EFCAB7: variants seen among roughly 807,000 people sequenced by gnomAD.
EFCAB7 encodes EF-hand calcium-binding domain-containing protein 7.
A neutral mutation model predicts 77.1 loss-of-function variants in EFCAB7; 66 were observed. The ratio of observed to expected loss-of-function variants is 0.86; its 90% CI spans 0.70 to 1.05. EFCAB7 has a LOEUF of 1.05. EFCAB7 is among the 50% of genes least tolerant of loss of function. EFCAB7 has a pLI of 0.00. For missense variants in EFCAB7, 638 were observed against 730.5 expected, an observed-to-expected ratio of 0.87 and a Z score of 1.46; for synonymous variants, 225 against 243.3, an observed-to-expected ratio of 0.92 and a Z score of 0.70.
rs541260511 is a variant in EFCAB7 at position 63,572,429 on chromosome 1, T to C, written c.1816-13T>C. The C allele has an allele frequency of 1.9e-6, 3 of 1,573,132 alleles. No homozygotes were observed. In the South Asian group the frequency reaches 3.6e-5, roughly 19 times the overall value. On this transcript the variant is annotated splice_polypyrimidine_tract_variant and intron_variant, in intron 13 of 13. Coordinates refer to ENST00000371088, the MANE Select transcript of EFCAB7 (RefSeq NM_032437.4). ...ATAAAAAGAGAGTAAAAGCTTTCTA[T>C]TTTTATGTGCAGGTTTGTCAACATG...
chr1:63,528,206 A>T (rs533242658), intron 2 of EFCAB7, among the ~76,000 whole-genome samples: 33 of 152,318 alleles, frequency 2.2e-4, no homozygotes, highest in African/African-American at 7.5e-4. Flanking sequence ...GGATAAAAAT[A>T]AAAAAAGTGG....
intron 6 of EFCAB7, among the ~76,000 whole-genome samples, chr1:63,540,363 CAAA>C (rs758025864): frequency 2.3e-5 from 1 of 44,360 alleles, no homozygotes; most frequent in Non-Finnish European, 5.0e-5. Context: ...GACTCCATCT[CAAA>C]AAAAAAAAAA....
At chr1:63,565,344 G>A (rs1038480683) in intron 11 of EFCAB7, among the ~76,000 whole-genome samples, 9 of 150,848 alleles carry the variant, frequency 6.0e-5, no homozygotes, top group Non-Finnish European at 8.8e-5. Context: ...GGGCGAGAGT[G>A]CGAGACTCCG....
intron 6 of EFCAB7, among the ~76,000 whole-genome samples, chr1:63,538,073 A>G (rs1192131247): frequency 6.6e-6 from 1 of 152,210 alleles, no homozygotes; most frequent in Non-Finnish European, 1.5e-5. Context: ...TAAAATTTGT[A>G]TATGACAAAT....
At chr1:63,581,071 T>TA in the EFCAB7 span, among the ~76,000 whole-genome samples, 1 of 152,296 alleles carries the variant, frequency 6.6e-6, no homozygotes, top group East Asian at 1.9e-4. Flanking sequence ...TCTTTTTTCT[T>TA]GCCTTATTGC....
At chr1:63,582,230 C>G in the EFCAB7 span, among the ~76,000 whole-genome samples, 6 of 152,206 alleles carry the variant, frequency 3.9e-5, no homozygotes, top group Middle Eastern at 3.4e-3. Context: ...ACTATGGGAC[C>G]CATTCAAAAT....
At chr1:63,570,427 C>T (rs1647226645) in intron 12 of EFCAB7, 1 of 152,174 alleles carries the variant, frequency 6.6e-6, no homozygotes, top group Non-Finnish European at 1.5e-5. Flanking sequence ...TTCTGTGTTT[C>T]TATAGATCCT....
At chr1:63,577,832 G>T in the EFCAB7 span, among the ~76,000 whole-genome samples, 3 of 151,850 alleles carry the variant, frequency 2.0e-5, no homozygotes, top group Non-Finnish European at 4.4e-5. Flanking sequence ...GGAGGGGAAG[G>T]CTTGACCAAT....
chr1:63,531,994 G>C lies in EFCAB7; in HGVS notation c.362G>C (p.Cys121Ser), dbSNP rs2100872128. Residue 121 changes from cysteine (C) to serine (S), a missense_variant, in exon 3 of 14, where the codon TGT (cysteine) becomes TCT (serine). Physicochemically the swap from Cys to Ser is moderately radical, Grantham distance 112. Coordinates refer to ENST00000371088, the MANE Select transcript of EFCAB7 (RefSeq NM_032437.4). ...FKQLDVNDDG[C>S]ILHTDLYKFL... ...CAATTAGATGTAAATGATGATGGCT[G>C]TATTTTACACACTGACCTTTATAAA... 2 of 1,611,742 alleles carry C rather than the reference G, an allele frequency of 1.2e-6. No individual in the cohort carries two copies. The highest frequency in any genetic ancestry group is 1.7e-4 in the Middle Eastern group (1 of 6,046).
At chr1:63,575,226 T>C (rs1647378828), downstream of EFCAB7, among the ~76,000 whole-genome samples, 1 of 152,132 alleles carries the variant, frequency 6.6e-6, no homozygotes, top group Admixed American at 6.5e-5. Flanking sequence ...TACTGTTATA[T>C]ATATATGAGT....
intron 10 of EFCAB7, among the ~76,000 whole-genome samples, chr1:63,558,485 A>T (rs968248629): frequency 6.6e-6 from 1 of 152,220 alleles, no homozygotes; most frequent in Non-Finnish European, 1.5e-5. Context: ...GACCAAGGCT[A>T]CACAGCAAGA....
At position 63,543,571 on chromosome 1, in the gene EFCAB7, G is replaced by A. The variant is rs566488433; in HGVS notation, c.805-2345G>A. Among the ~76,000 whole-genome samples the A allele has an allele frequency of 2.6e-5, 4 of 151,226 alleles. No individual in the cohort carries two copies. The South Asian group carries it at 8.3e-4, about 31-fold the overall frequency. On this transcript the variant is annotated intron_variant, in intron 6 of 13. Transcript: ENST00000371088. ...TTTTTAATAAAATATGAAAATAATT[G>A]TGACATAAAATAGAAAAATGAGATG...
chr1:63,537,460 C>A (rs1646777072), intron 6 of EFCAB7, among the ~76,000 whole-genome samples: 1 of 152,008 alleles, frequency 6.6e-6, no homozygotes, highest in Non-Finnish European at 1.5e-5. Flanking sequence ...ACATTGTATA[C>A]CATTTATATG....
chr1:63,566,866 TATA>T (rs1331669567), intron 11 of EFCAB7, among the ~76,000 whole-genome samples: 1 of 149,280 alleles, frequency 6.7e-6, no homozygotes. Context: ...ACAAATATTT[TATA>T]ATTATTTTAT....
At chr1:63,540,995 A>G (rs1646822719) in intron 6 of EFCAB7, among the ~76,000 whole-genome samples, 1 of 152,204 alleles carries the variant, frequency 6.6e-6, no homozygotes, top group African/African-American at 2.4e-5. Context: ...AATATCTAAA[A>G]TAGTCAAAAG....
chr1:63,573,964 A>G (rs1423891546), downstream of EFCAB7, among the ~76,000 whole-genome samples: 3 of 152,196 alleles, frequency 2.0e-5, no homozygotes, highest in African/African-American at 7.2e-5. Context: ...CGGATTGTAT[A>G]GAGGTGGGAA....
chr1:63,556,987 G>A (rs1235644678), intron 9 of EFCAB7, 127 bp from the exon 10 acceptor site: 12 of 649,972 alleles, frequency 1.8e-5, no homozygotes, highest in Non-Finnish European at 2.3e-5. Context: ...GCAGTGAGCC[G>A]AGATCACGCC....
chr1:63,581,095 T>G, the EFCAB7 span, among the ~76,000 whole-genome samples: 27,324 of 152,124 alleles, frequency 0.18, 2,553 homozygotes, highest in Middle Eastern at 0.26. Flanking sequence ...GGCTAAGACT[T>G]CCCATTAAGA....
rs1293863045 is a variant in EFCAB7 at position 63,561,763 on chromosome 1, A to C, written c.1403A>C (p.Asn468Thr). ...ACAAGACAAGGATTTATGGATTTGA[A>C]TCTAATGGAAGCTAATGATCGAGAA... ...ELTRQGFMDL[N>T]LMEANDREGD... Residue 468 changes from asparagine (N) to threonine (T), a missense_variant, in exon 11 of 14, where the codon AAT becomes ACT. Asn to Thr is a moderately conservative substitution (Grantham distance 65, BLOSUM62 0). Transcript: ENST00000371088. The C allele has an allele frequency of 6.2e-7, 1 of 1,611,038 alleles. No individual in the cohort carries two copies. Among genetic ancestry groups the C allele is most frequent in the South Asian group, 1.1e-5 (1 of 90,794 alleles).
Sources: allele counts gnomAD v4.1 joint callset (sites outside exome capture counted in the v4.1 genomes callset), GRCh38; gene constraint gnomAD v4.1.1; transcripts MANE v1.5; gene names NCBI Gene and HGNC (gene_info 2026-07-23, HGNC 2026-07-21).